The following MYO9A variants were observed in gnomAD, a reference collection of about 807,000 sequenced individuals.
MYO9A encodes the protein myosin IXA.
A neutral mutation model predicts 293.3 loss-of-function variants in MYO9A; 103 were observed. That is an observed-to-expected ratio of 0.35 (90% confidence interval 0.30 to 0.41). The LOEUF is 0.41. Among genes scored for constraint, MYO9A ranks in the 10% least tolerant of loss-of-function variants. The pLI is 1.00. For synonymous variants in MYO9A, 1,001 were observed against 1,035.7 expected (o/e 0.97, Z 0.64); for missense variants, 2,685 against 3,033.0 (o/e 0.89, Z 2.69).
rs200455358 is a variant in MYO9A, at chr15:71,854,503, T to A, written c.6220A>T (p.Thr2074Ser). 59 of 1,613,648 alleles carry A rather than the reference T, an allele frequency of 3.7e-5. No homozygotes were observed. Among genetic ancestry groups the A allele is most frequent in the South Asian group, 1.9e-4 (17 of 90,932 alleles). The change falls in exon 35 of 42, where the codon ACT becomes TCT. Residue 2074 changes from threonine (T) to serine (S), a missense_variant. This residue lies in a region of MYO9A where 238 missense variants were observed against 269.1 expected (regional missense o/e 0.88). Transcript: ENST00000356056. ...AGCTTTTCCACTACTAAAGGAACAG[T>A]TCGGTCTTCACTGGTCAAACGGGAC... ...ELSRLTSEDR[T>S]VPLVVEKLIN... is the part of the protein sequence containing the mutation.
chr15:71,897,678 CT>C lies in MYO9A; in HGVS notation c.4824del (p.Gly1609GlufsTer22). 6.2e-7 allele frequency: 1 copy of C among 1,614,156 alleles called. No individual in the cohort carries two copies. The highest frequency in any genetic ancestry group is 8.5e-7 in the Non-Finnish European group (1 of 1,180,036). The stretch of plus-strand genomic sequence containing the variant: ...ACAGTACTAGATTGGCATGGACTTC[CT>C]TTTCTTTCAAAGAACACGGTGACAG... ...DRPVTVFFER[K>X]GSPCQSSTVK... On this transcript the variant is annotated frameshift_variant, in exon 25 of 42. Coordinates refer to ENST00000356056, the MANE Select transcript of MYO9A (RefSeq NM_006901.4). LOFTEE classifies it high-confidence loss of function.
At chr15:71,921,800 C>T (rs1056679223) in intron 18 of MYO9A, among the ~76,000 whole-genome samples, 2 of 152,000 alleles carry the variant, frequency 1.3e-5, no homozygotes, top group African/African-American at 4.8e-5. Context: ...ATAAGCTGCA[C>T]GTATTTAATG....
At chr15:71,975,147 G>A (rs1014121114) in intron 12 of MYO9A, among the ~76,000 whole-genome samples, 6 of 152,188 alleles carry the variant, frequency 3.9e-5, no homozygotes, top group African/African-American at 1.4e-4. Flanking sequence ...CTCTCCCTGG[G>A]AGACATATTC....
At chr15:71,997,865 T>G (rs2076743812) in intron 9 of MYO9A, among the ~76,000 whole-genome samples, 1 of 152,102 alleles carries the variant, frequency 6.6e-6, no homozygotes, top group Admixed American at 6.5e-5. Flanking sequence ...ATTTATACAC[T>G]GTTGGAGGGA....
intron 1 of MYO9A, among the ~76,000 whole-genome samples, chr15:72,101,781 C>T (rs796179741): frequency 0.088 from 8,322 of 95,008 alleles, no homozygotes; most frequent in South Asian, 0.11. Context: ...TGAGGAGCCC[C>T]TCTGCCAGGC....
chr15:71,981,785 C>T (rs957171152), intron 11 of MYO9A, among the ~76,000 whole-genome samples: 1 of 151,744 alleles, frequency 6.6e-6, no homozygotes, highest in African/African-American at 2.4e-5. Context: ...TTAATTTCCT[C>T]TTTTATCTCT....
At position 72,102,118 on chromosome 15, in the gene MYO9A, G is replaced by C. The variant is rs1426727573; in HGVS notation, c.-72+15562C>G. 7.3e-5 allele frequency among the ~76,000 whole-genome samples: 11 copies of C among 151,476 alleles called. No homozygotes were observed. The South Asian group carries it at 8.5e-4, about 12-fold the overall frequency. ...TCTGTGTAGAAAGAAGTAGACATGGGAGACTTTTCATTTTGTTCTGTACTA... is the reference window on the plus strand; with the variant it reads ...TCTGTGTAGAAAGAAGTAGACATGGCAGACTTTTCATTTTGTTCTGTACTA... On this transcript the variant is annotated intron_variant, in intron 1 of 41. Coordinates refer to ENST00000356056, the MANE Select transcript of MYO9A (RefSeq NM_006901.4).
rs1333698577 is a variant in MYO9A at position 72,110,063 on chromosome 15, G to A, written c.-72+7617C>T. Among the ~76,000 whole-genome samples, 6 of 151,640 alleles carry A rather than the reference G, an allele frequency of 4.0e-5. No individual in the cohort carries two copies. In the South Asian group the frequency reaches 6.3e-4, roughly 16 times the overall value. ...AGTACCAGCTACTCAGGAGGTTGAA[G>A]TGGGAGGACTGCTTGAGCCCAGGAG... On this transcript the variant is annotated intron_variant, in intron 1 of 41. Coordinates refer to ENST00000356056, the MANE Select transcript of MYO9A (RefSeq NM_006901.4).
At chr15:71,956,384 A>G (rs1262230362) in intron 14 of MYO9A, among the ~76,000 whole-genome samples, 1 of 141,210 alleles carries the variant, frequency 7.1e-6, no homozygotes, top group African/African-American at 2.6e-5. Flanking sequence ...CACGCCTGTA[A>G]TCCCAGAACT....
chr15:72,031,141 C>T (rs901066429), intron 3 of MYO9A, among the ~76,000 whole-genome samples: 1 of 152,186 alleles, frequency 6.6e-6, no homozygotes, highest in Non-Finnish European at 1.5e-5. Flanking sequence ...ATTCCTCCAT[C>T]CCCCAGTCTG....
At chr15:71,918,200 G>A (rs1321682447) in intron 18 of MYO9A, among the ~76,000 whole-genome samples, 6 of 152,258 alleles carry the variant, frequency 3.9e-5, no homozygotes, top group Middle Eastern at 6.8e-3. Flanking sequence ...TATTCATGAG[G>A]TGGTGGGGAA....
chr15:71,944,901 A>T (rs1313413148), intron 15 of MYO9A, among the ~76,000 whole-genome samples: 3 of 152,310 alleles, frequency 2.0e-5, no homozygotes, highest in East Asian at 3.9e-4. Context: ...GTTGAATTCA[A>T]TCTATAGATC....
chr15:72,034,065 G>A (rs1480266990), intron 2 of MYO9A, among the ~76,000 whole-genome samples: 6 of 152,156 alleles, frequency 3.9e-5, no homozygotes, highest in African/African-American at 9.7e-5. Context: ...ACGGACGCAC[G>A]CACACATACA....
chr15:72,024,942 G>A (rs1034226144), intron 4 of MYO9A, among the ~76,000 whole-genome samples: 1 of 152,092 alleles, frequency 6.6e-6, no homozygotes, highest in Non-Finnish European at 1.5e-5. Flanking sequence ...AACACATATG[G>A]AGAACAAACA....
intron 34 of MYO9A, among the ~76,000 whole-genome samples, chr15:71,859,007 T>A (rs1007616213): frequency 1.3e-5 from 2 of 152,222 alleles, no homozygotes. Flanking sequence ...TTTTTTAGTA[T>A]TTGTCTGACA....
At chr15:71,908,554 C>G (rs2057739963) in intron 19 of MYO9A, among the ~76,000 whole-genome samples, 1 of 152,154 alleles carries the variant, frequency 6.6e-6, no homozygotes, top group South Asian at 2.1e-4. Context: ...TATTACTGGC[C>G]TTCTGTTTGT....
At chr15:72,004,864 T>C (rs555241433) in intron 8 of MYO9A, among the ~76,000 whole-genome samples, 16 of 152,322 alleles carry the variant, frequency 1.1e-4, no homozygotes, top group African/African-American at 3.4e-4. Context: ...ACCACTACTT[T>C]AAAAACATTT....
chr15:71,920,883 G>A (rs920925597), intron 18 of MYO9A, among the ~76,000 whole-genome samples: 5 of 152,068 alleles, frequency 3.3e-5, no homozygotes, highest in Admixed American at 6.5e-5. Context: ...AGAGGCAAGC[G>A]GTCAGCAAAA....
chr15:71,897,838 C>T lies in MYO9A; in HGVS notation c.4665G>A (p.Glu1555=), dbSNP rs747588854. 6 of 1,613,978 alleles carry T rather than the reference C, an allele frequency of 3.7e-6. No homozygotes were observed. In the African/African-American group the frequency reaches 8.0e-5, roughly 22 times the overall value. ...TTAAGCTGAGGAGAGAGGATGGCCTCTCTACTCTTTGCTTTGACTGATAGG... is the reference window on the plus strand; with the variant it reads ...TTAAGCTGAGGAGAGAGGATGGCCTTTCTACTCTTTGCTTTGACTGATAGG... The part of the protein sequence containing the change: ...PSSYQSKQRV[E]RPSSLLSLNT... The change falls in exon 25 of 42, where the codon GAG becomes GAA. Residue 1555 remains glutamate (E), a synonymous_variant. Coordinates refer to ENST00000356056, the MANE Select transcript of MYO9A (RefSeq NM_006901.4).
Sources: gnomAD v4.1 joint callset for allele counts (sites outside exome capture counted in the v4.1 genomes callset) on GRCh38, gnomAD v4.1.1 for gene constraint, gnomAD v4.1.1 regional missense constraint, MANE v1.5 for transcripts, NCBI Gene and HGNC (gene_info 2026-07-23, HGNC 2026-07-21) for gene names.